ARFGEF3: variants seen among roughly 807,000 people sequenced by gnomAD.
ARFGEF3 encodes the protein ARFGEF family member 3.
A neutral mutation model predicts 221.7 loss-of-function variants in ARFGEF3; 96 were observed. That is an observed-to-expected ratio of 0.43 (90% CI 0.37 to 0.51). The LOEUF (loss-of-function observed/expected upper bound fraction) is 0.51. Ranked by LOEUF, ARFGEF3 falls within the 20% of genes least tolerant of loss-of-function variation. ARFGEF3 has a pLI of 0.00. For synonymous variants in ARFGEF3, 1,145 were observed against 1,126.8 expected (o/e 1.02, Z -0.32); for missense variants, 2,410 against 2,789.9 (o/e 0.86, Z 3.07).
chr6:138,305,720 A>G (rs1392846227), intron 22 of ARFGEF3, among the ~76,000 whole-genome samples: 1 of 152,226 alleles, frequency 6.6e-6, no homozygotes, highest in Non-Finnish European at 1.5e-5. Flanking sequence ...TAACAGCTCA[A>G]AATCAATTAA....
chr6:138,243,037 G>A (rs1265953709), intron 7 of ARFGEF3, 43 bp downstream of exon 7: 1 of 1,493,144 alleles, frequency 6.7e-7, no homozygotes, highest in South Asian at 1.2e-5. Flanking sequence ...TAAAGCAGGT[G>A]TGAGAATGCC....
intron 25 of ARFGEF3, among the ~76,000 whole-genome samples, chr6:138,312,928 T>C (rs2114668500): frequency 6.6e-6 from 1 of 152,356 alleles, no homozygotes; most frequent in Admixed American, 6.5e-5. Context: ...CAGGCTGGTC[T>C]TGAACTCCAG....
intron 33 of ARFGEF3, 46 bp downstream of exon 33, chr6:138,335,234 A>G: frequency 6.7e-7 from 1 of 1,484,726 alleles, no homozygotes; most frequent in Non-Finnish European, 8.9e-7. Flanking sequence ...CTGGGTTTCC[A>G]GTACTGGATG....
At chr6:138,329,762 T>A (rs968508937) in intron 32 of ARFGEF3, among the ~76,000 whole-genome samples, 5 of 152,230 alleles carry the variant, frequency 3.3e-5, no homozygotes, top group African/African-American at 1.2e-4. Context: ...GGACAGAATG[T>A]GTCCCCCCAC....
chr6:138,202,006 C>G (rs1282471516), intron 2 of ARFGEF3, among the ~76,000 whole-genome samples: 17 of 152,140 alleles, frequency 1.1e-4, no homozygotes, highest in Non-Finnish European at 1.5e-5. Flanking sequence ...CTTGACATGA[C>G]CAGATGCAGC....
chr6:138,312,652 C>T (rs1014093823), intron 25 of ARFGEF3, among the ~76,000 whole-genome samples: 4 of 152,204 alleles, frequency 2.6e-5, no homozygotes, highest in Non-Finnish European at 5.9e-5. Context: ...TAATCTGAAA[C>T]GTTACCTCCT....
At chr6:138,240,254 A>T (rs955904665) in intron 6 of ARFGEF3, among the ~76,000 whole-genome samples, 1 of 152,190 alleles carries the variant, frequency 6.6e-6, no homozygotes, top group African/African-American at 2.4e-5. Context: ...TAAATCTAAG[A>T]TGTTGAGAAA....
At chr6:138,189,476 G>A (rs1777253008) in intron 2 of ARFGEF3, among the ~76,000 whole-genome samples, 1 of 152,174 alleles carries the variant, frequency 6.6e-6, no homozygotes. Flanking sequence ...AAAGTCATAT[G>A]ACCTAAAGAT....
At chr6:138,302,391 A>G (rs780830807) in intron 22 of ARFGEF3, among the ~76,000 whole-genome samples, 7 of 152,216 alleles carry the variant, frequency 4.6e-5, no homozygotes, top group Non-Finnish European at 7.3e-5. Context: ...GAGATTATCT[A>G]TTCTGAAGAT....
intron 6 of ARFGEF3, 62 bp from the exon 7 acceptor site, chr6:138,242,890 C>A: frequency 1.4e-6 from 2 of 1,445,106 alleles, no homozygotes; most frequent in Admixed American, 1.8e-5. Context: ...TTCCCATTGT[C>A]AAAGAGTCAA....
At chr6:138,332,678 T>C (rs936556765) in intron 32 of ARFGEF3, among the ~76,000 whole-genome samples, 3 of 152,204 alleles carry the variant, frequency 2.0e-5, no homozygotes, top group African/African-American at 7.2e-5. Flanking sequence ...GTTTTAGCAA[T>C]AGATAGCAGT....
At chr6:138,327,800 A>G (rs1562217787) in intron 31 of ARFGEF3, among the ~76,000 whole-genome samples, 3 of 152,236 alleles carry the variant, frequency 2.0e-5, no homozygotes. Flanking sequence ...TGCTGGTATT[A>G]GTGTCAACGG....
At chr6:138,240,720 T>C (rs1044275520) in intron 6 of ARFGEF3, among the ~76,000 whole-genome samples, 2 of 152,180 alleles carry the variant, frequency 1.3e-5, no homozygotes, top group African/African-American at 2.4e-5. Context: ...CCAGAAAACA[T>C]AGGTCTCAGG....
intron 26 of ARFGEF3, among the ~76,000 whole-genome samples, chr6:138,315,333 T>C (rs776634757): frequency 2.2e-4 from 34 of 152,348 alleles, no homozygotes; most frequent in Middle Eastern, 3.4e-3. Flanking sequence ...GATTAACTCA[T>C]GCTCACACCT....
rs1375017866 is a variant in ARFGEF3, at chr6:138,263,484, G to A, written c.2001G>A (p.Glu667=). The stretch of plus-strand genomic sequence containing the variant: ...CTCTAAAACTGCTGAAGAACCAGGA[G>A]GCGGATCAGCACAGCGCCAGGCTGT... ...ALSLKLLKNQ[E]ADQHSARLFI... The change falls in exon 12 of 34, where the codon GAG becomes GAA. Residue 667 remains glutamate, a synonymous_variant. Coordinates refer to ENST00000251691, the MANE Select transcript of ARFGEF3 (RefSeq NM_020340.5). The A allele has an allele frequency of 6.2e-7, 1 of 1,613,894 alleles. No homozygotes were observed. Among genetic ancestry groups the A allele is most frequent in the Admixed American group, 1.7e-5 (1 of 60,034 alleles).
chr6:138,188,954 A>G (rs577496937), intron 2 of ARFGEF3, among the ~76,000 whole-genome samples: 1 of 152,348 alleles, frequency 6.6e-6, no homozygotes, highest in Admixed American at 6.5e-5. Flanking sequence ...TTGAAATACC[A>G]CAAACATATT....
At chr6:138,219,396 A>T (rs2114515559) in intron 4 of ARFGEF3, among the ~76,000 whole-genome samples, 1 of 152,268 alleles carries the variant, frequency 6.6e-6, no homozygotes. Flanking sequence ...GCTGGGTGTT[A>T]AACATGGAAG....
intron 5 of ARFGEF3, among the ~76,000 whole-genome samples, chr6:138,236,222 T>G (rs1380987591): frequency 2.0e-5 from 3 of 152,202 alleles, no homozygotes; most frequent in African/African-American, 7.2e-5. Flanking sequence ...AAATAGCTCC[T>G]CTTTCATCTG....
At chr6:138,293,383 T>G (rs1481606465) in intron 19 of ARFGEF3, among the ~76,000 whole-genome samples, 1 of 152,194 alleles carries the variant, frequency 6.6e-6, no homozygotes, top group African/African-American at 2.4e-5. Context: ...GCTGGCAAGG[T>G]CTGTGCCCAG....
Sources: gnomAD v4.1 joint callset for allele counts (sites outside exome capture counted in the v4.1 genomes callset) on GRCh38, gnomAD v4.1.1 for gene constraint, MANE v1.5 for transcripts, NCBI Gene and HGNC (gene_info 2026-07-23, HGNC 2026-07-21) for gene names.